Variants in TRPM3 observed in about 807,000 individuals in gnomAD.
The protein encoded by TRPM3 is transient receptor potential cation channel subfamily M member 3.
In TRPM3, 77 loss-of-function variants were observed where a neutral mutation model predicts 181.2. The ratio of observed to expected loss-of-function variants is 0.42; its 90% confidence interval spans 0.35 to 0.51. The LOEUF is 0.51. Ranked by LOEUF, TRPM3 falls within the 20% of genes least tolerant of loss-of-function variation. TRPM3 has a pLI of 0.01. For missense variants in TRPM3, 1,759 were observed against 2,196.7 expected (o/e 0.80, Z 3.98); for synonymous variants, 745 against 796.4 (o/e 0.94, Z 1.09).
At chr9:71,163,372 T>C (rs941303590) in intron 1 of TRPM3, among the ~76,000 whole-genome samples, 7 of 151,966 alleles carry the variant, frequency 4.6e-5, no homozygotes, top group Non-Finnish European at 7.4e-5. Context: ...ATGAGACTGA[T>C]GTTGATTAGG....
chr9:71,186,390 A>C (rs566375858), intron 1 of TRPM3, among the ~76,000 whole-genome samples: 1 of 152,188 alleles, frequency 6.6e-6, no homozygotes, highest in South Asian at 2.1e-4. Context: ...GAAAAATCTA[A>C]GTAATCATAT....
chr9:71,284,616 C>T (rs1050530109), intron 1 of TRPM3, among the ~76,000 whole-genome samples: 2 of 152,130 alleles, frequency 1.3e-5, no homozygotes, highest in African/African-American at 4.8e-5. Context: ...TGGGACACAC[C>T]TATTTATATA....
intron 9 of TRPM3, among the ~76,000 whole-genome samples, chr9:70,680,623 T>A (rs1856655): frequency 6.0e-4 from 91 of 152,116 alleles, no homozygotes; most frequent in Non-Finnish European, 9.6e-4. Flanking sequence ...CAACCATGAC[T>A]CTACAGCAGG....
intron 1 of TRPM3, among the ~76,000 whole-genome samples, chr9:71,279,062 T>C (rs1504386): frequency 3.1e-5 from 3 of 97,336 alleles, no homozygotes; most frequent in Non-Finnish European, 4.6e-5. Context: ...AAAATAAAAA[T>C]AAAAAAACCA....
intron 1 of TRPM3, among the ~76,000 whole-genome samples, chr9:71,003,208 A>C (rs1427737604): frequency 1.1e-5 from 1 of 92,020 alleles, no homozygotes; most frequent in African/African-American, 2.9e-5. Flanking sequence ...AAAAAAAAAA[A>C]AAACACTTAA....
At chr9:71,226,521 G>C (rs2080667650) in intron 1 of TRPM3, among the ~76,000 whole-genome samples, 1 of 151,950 alleles carries the variant, frequency 6.6e-6, no homozygotes, top group Non-Finnish European at 1.5e-5. Flanking sequence ...AAAAGAACAG[G>C]AGTAGCTATA....
At chr9:71,032,042 ATAT>A (rs1565023571) in intron 1 of TRPM3, among the ~76,000 whole-genome samples, 967 of 3,134 alleles carry the variant, frequency 0.31, 66 homozygotes, top group African/African-American at 0.5. Context: ...AAATATATAT[ATAT>A]ATATTATATA....
chr9:71,072,987 T>C (rs2062975412), intron 1 of TRPM3, among the ~76,000 whole-genome samples: 1 of 152,202 alleles, frequency 6.6e-6, no homozygotes, highest in African/African-American at 2.4e-5. Context: ...CTGCCTTTGC[T>C]CACTAGAAGC....
intron 22 of TRPM3, among the ~76,000 whole-genome samples, chr9:70,587,672 A>G (rs945185367): frequency 6.6e-6 from 1 of 152,210 alleles, no homozygotes; most frequent in African/African-American, 2.4e-5. Flanking sequence ...AGGCCATGCC[A>G]CATGGGTCAC....
At chr9:71,186,017 G>T (rs2077656950) in intron 1 of TRPM3, among the ~76,000 whole-genome samples, 1 of 152,010 alleles carries the variant, frequency 6.6e-6, no homozygotes, top group Non-Finnish European at 1.5e-5. Context: ...CCTCTTCCTA[G>T]CATCTGGTGG....
chr9:71,111,358 T>C (rs1240678400), intron 1 of TRPM3, among the ~76,000 whole-genome samples: 1 of 152,180 alleles, frequency 6.6e-6, no homozygotes, highest in East Asian at 1.9e-4. Context: ...TTAATATCTA[T>C]TTTCAAGGGG....
intron 6 of TRPM3, among the ~76,000 whole-genome samples, chr9:70,786,199 T>C (rs1564281917): frequency 6.6e-6 from 1 of 151,010 alleles, no homozygotes; most frequent in Non-Finnish European, 1.5e-5. Flanking sequence ...GCACAGTGGC[T>C]CATGCCTGTA....
At chr9:71,361,422 A>G (rs1439776962) in intron 1 of TRPM3, among the ~76,000 whole-genome samples, 1 of 152,208 alleles carries the variant, frequency 6.6e-6, no homozygotes, top group African/African-American at 2.4e-5. Context: ...AGGAAGAAAA[A>G]GGGACTAGAA....
intron 1 of TRPM3, among the ~76,000 whole-genome samples, chr9:71,237,800 G>A (rs992386400): frequency 2.0e-5 from 3 of 152,158 alleles, no homozygotes; most frequent in African/African-American, 7.2e-5. Context: ...TCGAGGCACT[G>A]GCATTTGGTC....
At position 70,864,530 on chromosome 9, in the gene TRPM3, A is replaced by AAAAC; in HGVS notation, c.178-20_178-19insGTTT. The AAAAC allele has an allele frequency of 6.8e-7, 1 of 1,466,350 alleles. No individual in the cohort carries two copies. The highest frequency in any genetic ancestry group is 2.4e-5 in the East Asian group (1 of 41,336). The allele number at this position is 1,466,350 out of a possible 1,614,324, so 90.8% of individuals were successfully genotyped here. A position where few individuals can be genotyped will look rare whatever the true frequency, so the allele number is the denominator to read the frequency against. On this transcript the variant is annotated intron_variant, in intron 1 of 25. Transcript: ENST00000677713. ...TCTGAGCCTGAAAAAGAAAACAAAA[A>AAAAC]AAAAAAAAAAAGAAAAAAGAAAGAA... is the stretch of plus-strand genomic sequence containing the variant.
intron 1 of TRPM3, among the ~76,000 whole-genome samples, chr9:71,021,009 T>C (rs929599074): frequency 1.3e-5 from 2 of 152,126 alleles, no homozygotes; most frequent in South Asian, 2.1e-4. Context: ...GAATAAAACA[T>C]TGTGCTATTT....
intron 6 of TRPM3, among the ~76,000 whole-genome samples, chr9:70,791,267 A>G (rs1038707203): frequency 2.6e-5 from 4 of 152,202 alleles, no homozygotes; most frequent in African/African-American, 4.8e-5. Context: ...TTGCACCTAA[A>G]TTGATGCTCA....
chr9:71,343,977 T>C (rs923666018), intron 1 of TRPM3, among the ~76,000 whole-genome samples: 5 of 151,916 alleles, frequency 3.3e-5, no homozygotes, highest in African/African-American at 9.7e-5. Flanking sequence ...ATAACAATTA[T>C]AACCTATTGC....
chr9:70,651,849 C>T (rs1029667383), intron 9 of TRPM3, among the ~76,000 whole-genome samples: 3 of 152,036 alleles, frequency 2.0e-5, no homozygotes, highest in African/African-American at 7.2e-5. Context: ...CGTTGGAAGT[C>T]CTGAAGGATT....
Sources: allele counts gnomAD v4.1 joint callset (sites outside exome capture counted in the v4.1 genomes callset), GRCh38; gene constraint gnomAD v4.1.1; transcripts MANE v1.5; gene names NCBI Gene and HGNC (gene_info 2026-07-23, HGNC 2026-07-21).